Variants in ACER3 observed in about 807,000 individuals in gnomAD.
ACER3 encodes alkCDase 3.
ACER3 carries 16 observed loss-of-function variants against 48.9 expected under a neutral mutation model. The observed-to-expected ratio is 0.33, with a 90% CI of 0.22 to 0.50. The LOEUF is 0.50. Among genes scored for constraint, ACER3 ranks in the 20% least tolerant of loss-of-function variants. The probability of loss-of-function intolerance (pLI) is 0.98; values close to 1 mark genes in which losing one functional copy is unlikely to be tolerated. For synonymous variants in ACER3, 109 were observed against 107.8 expected, an observed-to-expected ratio of 1.01 and a Z score of -0.07; for missense variants, 227 against 326.0, an observed-to-expected ratio of 0.70 and a Z score of 2.34.
intron 1 of ACER3, among the ~76,000 whole-genome samples, chr11:76,909,854 A>G (rs60003396): frequency 0.022 from 3,290 of 152,298 alleles, 117 homozygotes; most frequent in African/African-American, 0.075. Flanking sequence ...ACAATAGCAA[A>G]GACTTGGAAC....
chr11:76,926,361 A>G (rs1946829911), intron 1 of ACER3, among the ~76,000 whole-genome samples, 196 bp from the exon 2 acceptor site: 1 of 152,098 alleles, frequency 6.6e-6, no homozygotes, highest in Non-Finnish European at 1.5e-5. Context: ...ATTTGTCTGA[A>G]ATATCTTTAT....
intron 3 of ACER3, among the ~76,000 whole-genome samples, chr11:76,962,210 C>T (rs1948013069): frequency 9.2e-6 from 1 of 108,902 alleles, no homozygotes; most frequent in Non-Finnish European, 1.7e-5. Context: ...CCACCATGCC[C>T]AGCTAATTTT....
At chr11:76,923,149 T>TAA (rs35125945) in intron 1 of ACER3, among the ~76,000 whole-genome samples, 9,229 of 148,092 alleles carry the variant, frequency 0.062, 319 homozygotes, top group Middle Eastern at 0.12. Context: ...GAAGCAAAAT[T>TAA]AAAAAAAAAA....
At chr11:76,898,678 G>A in intron 1 of ACER3, among the ~76,000 whole-genome samples, 1 of 151,490 alleles carries the variant, frequency 6.6e-6, no homozygotes, top group East Asian at 1.9e-4. Context: ...GCCGAGGCGG[G>A]CGGATGACGA....
At chr11:76,922,019 G>C (rs948501060) in intron 1 of ACER3, among the ~76,000 whole-genome samples, 22 of 152,260 alleles carry the variant, frequency 1.4e-4, no homozygotes, top group Middle Eastern at 3.4e-3. Context: ...CTGAATTAAA[G>C]CAGAGAAAAG....
At chr11:76,925,743 G>A (rs1946812724) in intron 1 of ACER3, among the ~76,000 whole-genome samples, 2 of 152,070 alleles carry the variant, frequency 1.3e-5, no homozygotes, top group South Asian at 2.1e-4. Flanking sequence ...TATGTTGTAA[G>A]TATATTTTTT....
At chr11:76,983,517 G>A (rs1238348252) in intron 4 of ACER3, among the ~76,000 whole-genome samples, 3 of 152,064 alleles carry the variant, frequency 2.0e-5, no homozygotes, top group African/African-American at 7.2e-5. Context: ...ATTTTGCCAT[G>A]TTGCCCAAGC....
intron 3 of ACER3, among the ~76,000 whole-genome samples, chr11:76,972,695 C>T (rs1266044900): frequency 6.6e-6 from 1 of 152,210 alleles, no homozygotes; most frequent in Non-Finnish European, 1.5e-5. Context: ...CCAGTGCCCT[C>T]CAGTGAGGAG....
At chr11:76,881,922 C>A (rs1034364578) in intron 1 of ACER3, among the ~76,000 whole-genome samples, 1 of 151,340 alleles carries the variant, frequency 6.6e-6, no homozygotes, top group Non-Finnish European at 1.5e-5. Flanking sequence ...TCTCTCTCTT[C>A]TATCCTTTGG....
chr11:76,886,813 T>A (rs1053981664), intron 1 of ACER3, among the ~76,000 whole-genome samples: 1 of 152,118 alleles, frequency 6.6e-6, no homozygotes, highest in Non-Finnish European at 1.5e-5. Context: ...CCCAAGTAGC[T>A]GGAATTACAA....
At chr11:76,959,302 G>A in intron 3 of ACER3, 10 of 1,104,430 alleles carry the variant, frequency 9.1e-6, no homozygotes, top group Non-Finnish European at 1.2e-5. Context: ...AGAGTCACAT[G>A]GGGACATCTT....
intron 3 of ACER3, among the ~76,000 whole-genome samples, chr11:76,975,874 C>CTTTTTTTTTTTT (rs34786738): frequency 3.1e-4 from 26 of 82,690 alleles, no homozygotes; most frequent in East Asian, 6.5e-4. Context: ...TTTTTCTTTT[C>CTTTTTTTTTTTT]TTTTTTTTTT....
Position 77,026,169 on chromosome 11 carries a change from A to G in ACER3, c.*5842A>G, listed in dbSNP as rs1949547288. 6.6e-6 allele frequency: 1 copy of G among 152,228 alleles called. No individual in the cohort carries two copies. Among genetic ancestry groups the G allele is most frequent in the Admixed American group, 6.5e-5 (1 of 15,284 alleles). 9.4% of individuals were successfully genotyped at this position (152,228 alleles called of 1,614,324 possible). A position where few individuals can be genotyped will look rare whatever the true frequency, so the allele number is the denominator to read the frequency against. On this transcript the variant is annotated 3_prime_UTR_variant, in exon 11 of 11. Coordinates refer to ENST00000532485, the MANE Select transcript of ACER3 (RefSeq NM_018367.7). The stretch of plus-strand genomic sequence containing the variant: ...GCCCTCAGCTTTTGAGTTGACTTCC[A>G]GAAAGTTGAGATCTTTTGACCATTT...
At chr11:76,965,473 C>T (rs989534105) in intron 3 of ACER3, among the ~76,000 whole-genome samples, 5 of 151,206 alleles carry the variant, frequency 3.3e-5, no homozygotes, top group Admixed American at 1.3e-4. Flanking sequence ...CAAAGATACT[C>T]CTCGAGAGGA....
At chr11:76,981,457 T>A (rs1948581200) in intron 4 of ACER3, among the ~76,000 whole-genome samples, 1 of 152,206 alleles carries the variant, frequency 6.6e-6, no homozygotes, top group Non-Finnish European at 1.5e-5. Context: ...ATACTCCTAT[T>A]TACCCATTAC....
At chr11:76,897,069 T>C (rs1215335297) in intron 1 of ACER3, among the ~76,000 whole-genome samples, 2 of 152,114 alleles carry the variant, frequency 1.3e-5, no homozygotes, top group Admixed American at 1.3e-4. Context: ...GTGATTCTCA[T>C]GACTCAGCCA....
chr11:76,952,988 T>C (rs563267820), intron 2 of ACER3, among the ~76,000 whole-genome samples: 8 of 152,016 alleles, frequency 5.3e-5, no homozygotes, highest in Non-Finnish European at 1.0e-4. Flanking sequence ...AAGATTCCAA[T>C]AAACAGAGAG....
intron 1 of ACER3, among the ~76,000 whole-genome samples, chr11:76,914,338 A>C (rs980808126): frequency 2.6e-5 from 4 of 152,228 alleles, no homozygotes; most frequent in Non-Finnish European, 5.9e-5. Flanking sequence ...CAAAGAACTC[A>C]AACAAATTTA....
intron 3 of ACER3, among the ~76,000 whole-genome samples, chr11:76,959,687 G>C (rs542586273): frequency 1.6e-4 from 24 of 152,004 alleles, no homozygotes; most frequent in Admixed American, 1.6e-3. Context: ...CAAGTAGCTA[G>C]GACTACAGGC....
Sources: gnomAD v4.1 joint callset for allele counts (sites outside exome capture counted in the v4.1 genomes callset) on GRCh38, gnomAD v4.1.1 for gene constraint, MANE v1.5 for transcripts, NCBI Gene and HGNC (gene_info 2026-07-23, HGNC 2026-07-21) for gene names.